RBM20: variants seen among roughly 807,000 people sequenced by gnomAD.
The protein encoded by RBM20 is RNA binding motif protein 20.
RBM20 carries 51 observed loss-of-function variants against 110.1 expected under a neutral mutation model. The observed-to-expected ratio is 0.46, with a 90% CI of 0.37 to 0.59. RBM20 has a LOEUF of 0.59. RBM20 is among the 20% of genes least tolerant of loss of function. RBM20 has a pLI of 0.00. For missense variants in RBM20, 1,512 were observed against 1,574.9 expected, an observed-to-expected ratio of 0.96 and a Z score of 0.68; for synonymous variants, 589 against 618.2, an observed-to-expected ratio of 0.95 and a Z score of 0.70.
chr10:110,715,697 G>T (rs2134921215), intron 1 of RBM20, among the ~76,000 whole-genome samples: 1 of 152,310 alleles, frequency 6.6e-6, no homozygotes, highest in South Asian at 2.1e-4. Flanking sequence ...AGGATGACTG[G>T]GGTTCCACCA....
intron 1 of RBM20, among the ~76,000 whole-genome samples, chr10:110,656,265 G>A (rs1032048026): frequency 6.6e-6 from 1 of 151,932 alleles, no homozygotes; most frequent in Non-Finnish European, 1.5e-5. Flanking sequence ...TGGAGATAGC[G>A]CCATTGCACT....
Position 110,740,991 on chromosome 10 carries a change from T to G in RBM20, c.192-39810T>G, listed in dbSNP as rs571093614. ...TTCTCTACCTTACCATCTGCATTTG[T>G]TTTTTCTTTTTGATTGGGTGGCATT... On this transcript the variant is annotated intron_variant, in intron 1 of 13. Coordinates refer to ENST00000369519, the MANE Select transcript of RBM20 (RefSeq NM_001134363.3). Among the ~76,000 whole-genome samples, 15 of 152,284 alleles carry G rather than the reference T, an allele frequency of 9.9e-5. No individual in the cohort carries two copies. The South Asian group carries it at 2.9e-3, about 29-fold the overall frequency.
At chr10:110,667,815 G>A (rs962449228) in intron 1 of RBM20, among the ~76,000 whole-genome samples, 2 of 152,120 alleles carry the variant, frequency 1.3e-5, no homozygotes, top group Non-Finnish European at 2.9e-5. Context: ...CATCCAGTGT[G>A]GCCTTTGATT....
rs1476707686 is a variant in RBM20, at chr10:110,831,149, C to T, written c.3540C>T (p.His1180=). 1.3e-6 allele frequency: 2 copies of T among 1,551,580 alleles called. No homozygotes were observed. The highest frequency in any genetic ancestry group is 2.0e-5 in the Admixed American group (1 of 50,982). ...YTSEETAKMS[H]CRSAVHYRNL... is the part of the protein sequence containing the mutation. Reference sequence around the variant, plus strand: ...GCGAGGAGACAGCAAAGATGAGCCACTGCCGCAGCGCTGTCCACTACAGGA... The same window carrying T: ...GCGAGGAGACAGCAAAGATGAGCCATTGCCGCAGCGCTGTCCACTACAGGA... The change falls in exon 13 of 14, where the codon CAC becomes CAT. Residue 1180 remains histidine, a synonymous_variant. Transcript: ENST00000369519.
chr10:110,779,913 C>T (rs1348383762), intron 1 of RBM20, among the ~76,000 whole-genome samples: 1 of 152,200 alleles, frequency 6.6e-6, no homozygotes, highest in Non-Finnish European at 1.5e-5. Context: ...ACGATTCACT[C>T]TGTAGGCAAT....
chr10:110,764,545 T>G (rs1348207845), intron 1 of RBM20, among the ~76,000 whole-genome samples: 1 of 152,232 alleles, frequency 6.6e-6, no homozygotes, highest in Non-Finnish European at 1.5e-5. Context: ...CAGGAATGGC[T>G]CCCGGTGGCA....
chr10:110,702,488 A>T (rs1425921437), intron 1 of RBM20, among the ~76,000 whole-genome samples: 4 of 152,200 alleles, frequency 2.6e-5, no homozygotes, highest in Non-Finnish European at 5.9e-5. Context: ...ATGGGCTCGG[A>T]TGGCGACCGT....
chr10:110,734,486 A>G (rs1843649915), intron 1 of RBM20, among the ~76,000 whole-genome samples: 1 of 152,206 alleles, frequency 6.6e-6, no homozygotes, highest in African/African-American at 2.4e-5. Flanking sequence ...CCTCTGCTCA[A>G]TATGGATTTG....
In RBM20 at chr10:110,781,479, A is replaced by G. The variant is rs1554898912; in HGVS notation, c.870A>G (p.Ser290=). Residue 290 remains serine, a synonymous_variant, in exon 2 of 14, where the codon TCA becomes TCG. Coordinates refer to ENST00000369519, the MANE Select transcript of RBM20 (RefSeq NM_001134363.3). The part of the protein sequence containing the change: ...KDFYGPNSQG[S]HVASGFPAEQ... Reference sequence around the variant, plus strand: ...TTTACGGACCCAACTCCCAAGGTTCACATGTGGCCAGCGGATTTCCAGCTG... The same window carrying G: ...TTTACGGACCCAACTCCCAAGGTTCGCATGTGGCCAGCGGATTTCCAGCTG... The G allele has an allele frequency of 6.4e-7, 1 of 1,551,580 alleles. No individual in the cohort carries two copies. The highest frequency in any genetic ancestry group is 8.7e-7 in the Non-Finnish European group (1 of 1,146,996).
At chr10:110,646,963 G>A (rs985205805) in intron 1 of RBM20, among the ~76,000 whole-genome samples, 1 of 152,188 alleles carries the variant, frequency 6.6e-6, no homozygotes, top group African/African-American at 2.4e-5. Flanking sequence ...AGTTATTTTA[G>A]TGAGGTCGTT....
At chr10:110,653,175 C>A (rs568867588) in intron 1 of RBM20, among the ~76,000 whole-genome samples, 11 of 152,278 alleles carry the variant, frequency 7.2e-5, no homozygotes, top group African/African-American at 2.2e-4. Context: ...AAAAGCATAA[C>A]TAATATTTAA....
intron 1 of RBM20, among the ~76,000 whole-genome samples, chr10:110,733,354 A>T (rs61864264): frequency 0.12 from 18,461 of 152,138 alleles, 1,388 homozygotes; most frequent in African/African-American, 0.21. Context: ...TAATGTTGAG[A>T]AGGAGGATGA....
chr10:110,790,094 A>G (rs778619533), intron 5 of RBM20, among the ~76,000 whole-genome samples: 3 of 152,222 alleles, frequency 2.0e-5, no homozygotes, highest in Non-Finnish European at 2.9e-5. Context: ...ACATTGGGGA[A>G]CTTGTATAAA....
At chr10:110,830,334 T>C (rs1269273739) in intron 12 of RBM20, among the ~76,000 whole-genome samples, 3 of 152,174 alleles carry the variant, frequency 2.0e-5, no homozygotes, top group African/African-American at 7.2e-5. Flanking sequence ...TTGCTTGGAA[T>C]CAAAAGGCCT....
intron 8 of RBM20, 43 bp from the exon 9 acceptor site, chr10:110,812,235 G>A: frequency 6.8e-7 from 1 of 1,477,598 alleles, no homozygotes; most frequent in East Asian, 2.5e-5. Flanking sequence ...GGTGGGATGG[G>A]AGGTGTGAAG....
At chr10:110,715,912 G>A (rs1281122926) in intron 1 of RBM20, among the ~76,000 whole-genome samples, 1 of 152,202 alleles carries the variant, frequency 6.6e-6, no homozygotes, top group African/African-American at 2.4e-5. Flanking sequence ...TACAAGGGAG[G>A]CAGAAAGCGT....
chr10:110,721,975 G>C (rs1843512307), intron 1 of RBM20, among the ~76,000 whole-genome samples: 1 of 152,044 alleles, frequency 6.6e-6, no homozygotes, highest in African/African-American at 2.4e-5. Context: ...AGAGGGGAGG[G>C]CTCCCTCCTT....
At chr10:110,765,145 G>A (rs1168516845) in intron 1 of RBM20, among the ~76,000 whole-genome samples, 2 of 152,128 alleles carry the variant, frequency 1.3e-5, no homozygotes, top group African/African-American at 4.8e-5. Context: ...AAGAAAAGTC[G>A]CAAGGCTACT....
intron 1 of RBM20, among the ~76,000 whole-genome samples, chr10:110,673,370 C>G (rs1182459864): frequency 6.6e-6 from 1 of 152,116 alleles, no homozygotes; most frequent in Non-Finnish European, 1.5e-5. Flanking sequence ...CACCACCATG[C>G]CTGGCTAATT....
Sources: gnomAD v4.1 joint callset for allele counts (sites outside exome capture counted in the v4.1 genomes callset) on GRCh38, gnomAD v4.1.1 for gene constraint, MANE v1.5 for transcripts, NCBI Gene and HGNC (gene_info 2026-07-23, HGNC 2026-07-21) for gene names.